The following PTPRG variants were observed in gnomAD, a reference collection of about 807,000 sequenced individuals.
PTPRG encodes the protein receptor-type tyrosine-protein phosphatase gamma.
Under a neutral mutation model 165.3 loss-of-function variants are expected in PTPRG, and 102 were observed. The observed-to-expected ratio is 0.62, with a 90% CI of 0.53 to 0.73. The LOEUF is 0.73. Among genes scored for constraint, PTPRG ranks in the 30% least tolerant of loss-of-function variants. PTPRG has a pLI of 0.00. For missense variants in PTPRG, 1,866 were observed against 1,861.4 expected (o/e 1.00, Z -0.05); for synonymous variants, 675 against 669.5 (o/e 1.01, Z -0.13).
In PTPRG at chr3:61,564,134, A is replaced by G. The variant is rs150996794; in HGVS notation, c.85+1762A>G. 1.7e-3 allele frequency among the ~76,000 whole-genome samples: 263 copies of G among 152,294 alleles called. 1 individual carries two copies. Among genetic ancestry groups the G allele is most frequent in the African/African-American group, 6.2e-3 (256 of 41,554 alleles). Reference sequence around the variant, plus strand: ...CATGGGGACATCTCCCCTTAGAAACAGCTGCCTTCATTCACTAAAAGATCA... The same window carrying G: ...CATGGGGACATCTCCCCTTAGAAACGGCTGCCTTCATTCACTAAAAGATCA... On this transcript the variant is annotated intron_variant, in intron 1 of 29. Coordinates refer to ENST00000474889, the MANE Select transcript of PTPRG (RefSeq NM_002841.4).
At chr3:61,629,367 C>G (rs1482294746) in intron 1 of PTPRG, among the ~76,000 whole-genome samples, 1 of 152,064 alleles carries the variant, frequency 6.6e-6, no homozygotes, top group Non-Finnish European at 1.5e-5. Flanking sequence ...GTTGGCCAGG[C>G]TGGTCTTGAA....
Position 62,135,914 on chromosome 3 carries a change from T to C in PTPRG, c.682+3246T>C, listed in dbSNP as rs147866097. Among the ~76,000 whole-genome samples, 398 of 152,304 alleles carry C rather than the reference T, an allele frequency of 2.6e-3. 1 individual carries two copies. In the Middle Eastern group the frequency reaches 0.065, roughly 25 times the overall value. On this transcript the variant is annotated intron_variant, in intron 6 of 29. Transcript: ENST00000474889. ...TGTGTTGGCAGGAATGGCCCAGCTC[T>C]TGTTCCCCACCATGTGTTGTCATTG...
intron 2 of PTPRG, among the ~76,000 whole-genome samples, chr3:61,886,112 A>G (rs928154397): frequency 6.6e-6 from 1 of 152,044 alleles, no homozygotes; most frequent in African/African-American, 2.4e-5. Context: ...TATCATGGAA[A>G]AGTTATCCCA....
At chr3:61,631,730 A>G (rs1376555244) in intron 1 of PTPRG, among the ~76,000 whole-genome samples, 1 of 152,170 alleles carries the variant, frequency 6.6e-6, no homozygotes, top group Non-Finnish European at 1.5e-5. Flanking sequence ...TATTCTACTC[A>G]GTCATTGGGG....
At chr3:62,112,683 A>G (rs1335374243) in intron 5 of PTPRG, among the ~76,000 whole-genome samples, 1 of 152,214 alleles carries the variant, frequency 6.6e-6, no homozygotes, top group Non-Finnish European at 1.5e-5. Context: ...GACTGCAGTC[A>G]TTTTTGCTAA....
intron 2 of PTPRG, among the ~76,000 whole-genome samples, chr3:61,806,928 C>A (rs1298224837): frequency 2.0e-5 from 3 of 152,172 alleles, no homozygotes; most frequent in Non-Finnish European, 4.4e-5. Context: ...GGAAACACAG[C>A]AGCACCACAG....
chr3:62,193,301 C>T (rs547415974), intron 9 of PTPRG, among the ~76,000 whole-genome samples: 65 of 152,296 alleles, frequency 4.3e-4, no homozygotes, highest in African/African-American at 1.4e-3. Flanking sequence ...GTGAAGATTT[C>T]GCTCTGAACA....
intron 5 of PTPRG, among the ~76,000 whole-genome samples, chr3:62,089,947 G>A (rs1701874340): frequency 6.6e-6 from 1 of 152,080 alleles, no homozygotes; most frequent in South Asian, 2.1e-4. Flanking sequence ...AATTGCAATG[G>A]GAGGAGTTGC....
At chr3:61,697,273 A>T (rs1455683387) in intron 1 of PTPRG, among the ~76,000 whole-genome samples, 1 of 152,116 alleles carries the variant, frequency 6.6e-6, no homozygotes, top group East Asian at 1.9e-4. Context: ...CAATACTCCG[A>T]AGTCTCATAC....
At chr3:61,656,398 A>T in intron 1 of PTPRG, among the ~76,000 whole-genome samples, 1 of 152,168 alleles carries the variant, frequency 6.6e-6, no homozygotes, top group East Asian at 1.9e-4. Context: ...TTTACATATG[A>T]ATAGTTAAAA....
chr3:62,094,118 T>C lies in PTPRG; in HGVS notation c.615+15860T>C, dbSNP rs975715766. On this transcript the variant is annotated intron_variant, in intron 5 of 29. Transcript: ENST00000474889. ...CAAATGAAACCAAGGAACAGAGATA[T>C]TCAATGATTTGCCCAGGGCCACTCA... Among the ~76,000 whole-genome samples, 8 of 152,306 alleles carry C rather than the reference T, an allele frequency of 5.3e-5. No homozygotes were observed. In the South Asian group the frequency reaches 1.4e-3, roughly 28 times the overall value.
Position 62,213,153 on chromosome 3 carries a change from C to G in PTPRG, c.2156-5698C>G, listed in dbSNP as rs1238694766. On this transcript the variant is annotated intron_variant, in intron 12 of 29. Transcript: ENST00000474889. This position sits in a 1 kb window ranked among gnomAD's most constrained non-coding sequence, Gnocchi z 4.4. ...CCGAGTGAAAGTGTGCTGCTCCTGA[C>G]AGAGGGGAGCATCTAGTGTTACTAA... Among the ~76,000 whole-genome samples the G allele has an allele frequency of 1.3e-5, 2 of 152,162 alleles. No homozygotes were observed. The highest frequency in any genetic ancestry group is 2.9e-5 in the Non-Finnish European group (2 of 68,030).
At chr3:62,087,318 A>T (rs995231259) in intron 5 of PTPRG, among the ~76,000 whole-genome samples, 5 of 152,168 alleles carry the variant, frequency 3.3e-5, no homozygotes, top group African/African-American at 4.8e-5. Context: ...CTGGAATATG[A>T]CCTAGTAGGA....
At chr3:62,107,044 C>T (rs776630937) in intron 5 of PTPRG, among the ~76,000 whole-genome samples, 67 of 152,176 alleles carry the variant, frequency 4.4e-4, no homozygotes, top group Non-Finnish European at 8.8e-4. Context: ...CTATTTTGAA[C>T]CAGGATCTCT....
chr3:62,282,904 CG>C (rs1415111481), intron 28 of PTPRG, 35 bp downstream of exon 28: 5 of 1,557,434 alleles, frequency 3.2e-6, no homozygotes, highest in Middle Eastern at 1.7e-4. Context: ...AAATGTAGAC[CG>C]TTTTTTTGTT....
At chr3:61,841,772 T>C (rs933921138) in intron 2 of PTPRG, among the ~76,000 whole-genome samples, 1 of 151,942 alleles carries the variant, frequency 6.6e-6, no homozygotes, top group African/African-American at 2.4e-5. Flanking sequence ...TACAGGACGA[T>C]AAAGGAATGT....
intron 1 of PTPRG, among the ~76,000 whole-genome samples, chr3:61,637,028 T>G (rs932055381): frequency 6.6e-5 from 10 of 152,346 alleles, no homozygotes; most frequent in East Asian, 1.9e-4. Context: ...GTATACTGAT[T>G]GCTGAGTGGT....
chr3:61,758,307 A>G (rs906692020), intron 2 of PTPRG, among the ~76,000 whole-genome samples: 5 of 152,208 alleles, frequency 3.3e-5, no homozygotes, highest in African/African-American at 9.7e-5. Context: ...TTCTGATGAT[A>G]TAAAACGGGG....
intron 5 of PTPRG, among the ~76,000 whole-genome samples, chr3:62,089,489 T>C (rs1403921376): frequency 2.0e-5 from 3 of 152,232 alleles, no homozygotes; most frequent in African/African-American, 4.8e-5. Context: ...AGAACGTCCA[T>C]GATAGAAATA....
Sources: allele counts gnomAD v4.1 joint callset (sites outside exome capture counted in the v4.1 genomes callset), GRCh38; gene constraint gnomAD v4.1.1; non-coding constraint Gnocchi (gnomAD v3.1); transcripts MANE v1.5; gene names NCBI Gene and HGNC (gene_info 2026-07-23, HGNC 2026-07-21).